The following ADGRL2 variants were observed in gnomAD, a reference collection of about 807,000 sequenced individuals.
The protein encoded by ADGRL2 is calcium-independent alpha-latrotoxin receptor 2.
Under a neutral mutation model 157.4 loss-of-function variants are expected in ADGRL2, and 44 were observed. That is an observed-to-expected ratio of 0.28 (90% confidence interval 0.22 to 0.36). The LOEUF is 0.36. Ranked by LOEUF, ADGRL2 falls within the 10% of genes least tolerant of loss-of-function variation. The pLI, the probability that ADGRL2 is intolerant of heterozygous loss-of-function variation, is 1.00. For synonymous variants in ADGRL2, 585 were observed against 624.7 expected, an observed-to-expected ratio of 0.94 and a Z score of 0.95; for missense variants, 1,510 against 1,768.9, an observed-to-expected ratio of 0.85 and a Z score of 2.63.
Position 81,420,159 on chromosome 1 carries a change from T to C in ADGRL2, c.-301-24877T>C, listed in dbSNP as rs72939085. Among the ~76,000 whole-genome samples, 345 of 152,328 alleles carry C rather than the reference T, an allele frequency of 2.3e-3. 1 individual carries two copies. Among genetic ancestry groups the C allele is most frequent in the African/African-American group, 7.7e-3 (321 of 41,576 alleles). On this transcript the variant is annotated intron_variant, in intron 1 of 24. Transcript: ENST00000370721. ...GTAATGCCAAAGTGAAAATAGATTA[T>C]TGAACTAGGAAAGGATTTTGATAAG...
At chr1:81,873,931 C>G (rs868515011) in intron 2 of ADGRL2, among the ~76,000 whole-genome samples, 1 of 151,998 alleles carries the variant, frequency 6.6e-6, no homozygotes, top group Non-Finnish European at 1.5e-5. Context: ...ACAAAGGTCT[C>G]TAATTATATA....
chr1:81,801,820 C>T (rs1445966914), intron 1 of ADGRL2, among the ~76,000 whole-genome samples: 1 of 152,236 alleles, frequency 6.6e-6, no homozygotes, highest in Admixed American at 6.5e-5. Flanking sequence ...ACTCCCAAGT[C>T]TGCGCACCTC....
At chr1:81,608,522 T>C (rs1284971064) in intron 3 of ADGRL2, among the ~76,000 whole-genome samples, 1 of 152,236 alleles carries the variant, frequency 6.6e-6, no homozygotes, top group Admixed American at 6.5e-5. Context: ...CAAAATTAAC[T>C]AGGCTTGTGT....
chr1:81,485,909 A>C (rs1035819495), intron 2 of ADGRL2, among the ~76,000 whole-genome samples: 14 of 152,186 alleles, frequency 9.2e-5, no homozygotes, highest in African/African-American at 3.1e-4. Flanking sequence ...CTTAACCTCC[A>C]CAAGATCAGA....
At chr1:81,333,440 G>A (rs964065731) in intron 1 of ADGRL2, among the ~76,000 whole-genome samples, 2 of 151,718 alleles carry the variant, frequency 1.3e-5, no homozygotes, top group South Asian at 2.1e-4. Flanking sequence ...TTTTGAGACG[G>A]AGTCTCACTC....
At chr1:81,602,398 A>G (rs2081350072) in intron 3 of ADGRL2, among the ~76,000 whole-genome samples, 1 of 151,762 alleles carries the variant, frequency 6.6e-6, no homozygotes, top group Admixed American at 6.6e-5. Flanking sequence ...TTCAAGACCC[A>G]CCTGACCAAG....
intron 1 of ADGRL2, among the ~76,000 whole-genome samples, chr1:81,728,677 GGCTGTCTCCTCTCGCCGAGCATCT>G (rs1326670250): frequency 3.5e-4 from 53 of 152,066 alleles, no homozygotes; most frequent in Non-Finnish European, 7.6e-4. Flanking sequence ...CATCTCATGG[GGCTGTCTCCTCTCGCCGAGCATCT>G]GCTTTTATTC....
chr1:81,877,347 C>T (rs1194748261), intron 2 of ADGRL2, among the ~76,000 whole-genome samples: 1 of 151,952 alleles, frequency 6.6e-6, no homozygotes, highest in African/African-American at 2.4e-5. Context: ...CCTTTCTGTG[C>T]TTTGTTTTAC....
At chr1:81,386,773 A>G (rs1303713283) in intron 1 of ADGRL2, among the ~76,000 whole-genome samples, 3 of 152,106 alleles carry the variant, frequency 2.0e-5, no homozygotes, top group Non-Finnish European at 4.4e-5. Flanking sequence ...TTCAAATTGC[A>G]CCCTATTAAA....
chr1:81,971,405 A>G (rs1558026474), intron 16 of ADGRL2, among the ~76,000 whole-genome samples: 1 of 152,212 alleles, frequency 6.6e-6, no homozygotes, highest in African/African-American at 2.4e-5. Flanking sequence ...CAACAAACAT[A>G]ACATCTGAAC....
At chr1:81,813,954 T>C (rs1158526364) in intron 1 of ADGRL2, among the ~76,000 whole-genome samples, 2 of 151,726 alleles carry the variant, frequency 1.3e-5, no homozygotes, top group African/African-American at 4.8e-5. Flanking sequence ...GGGTAAGTTC[T>C]ACCTGTTTTG....
chr1:81,537,443 C>T, intron 2 of ADGRL2, among the ~76,000 whole-genome samples: 1 of 151,710 alleles, frequency 6.6e-6, no homozygotes, highest in East Asian at 2.0e-4. Flanking sequence ...ACCACCATGC[C>T]CTGCTAATTT....
At chr1:81,446,728 A>G (rs932258300) in intron 2 of ADGRL2, among the ~76,000 whole-genome samples, 4 of 152,222 alleles carry the variant, frequency 2.6e-5, no homozygotes, top group Non-Finnish European at 5.9e-5. Context: ...CTCATCTTCA[A>G]AATGTAATCA....
intron 3 of ADGRL2, among the ~76,000 whole-genome samples, chr1:81,926,292 A>T (rs914344892): frequency 6.6e-6 from 1 of 151,998 alleles, no homozygotes; most frequent in African/African-American, 2.4e-5. Flanking sequence ...TAGAAACCAA[A>T]ATCCCCTCAC....
chr1:81,524,493 G>T (rs967132722), intron 2 of ADGRL2, among the ~76,000 whole-genome samples: 1 of 151,998 alleles, frequency 6.6e-6, no homozygotes, highest in African/African-American at 2.4e-5. Flanking sequence ...ATATATATAG[G>T]ATGCCATTAC....
intron 2 of ADGRL2, among the ~76,000 whole-genome samples, chr1:81,516,308 C>T (rs764551218): frequency 1.3e-4 from 20 of 152,112 alleles, no homozygotes; most frequent in Admixed American, 2.0e-4. Flanking sequence ...AGGGCAATTG[C>T]GAGAGGTCCA....
chr1:81,979,060 A>T (rs1660940753), intron 17 of ADGRL2, among the ~76,000 whole-genome samples: 1 of 151,736 alleles, frequency 6.6e-6, no homozygotes, highest in Non-Finnish European at 1.5e-5. Flanking sequence ...GTAGAAACAA[A>T]TGCAAATTAC....
rs773672775 is a variant in ADGRL2, at chr1:81,943,147, C to G, written c.588C>G (p.Phe196Leu). The G allele has an allele frequency of 2.5e-6, 4 of 1,613,470 alleles. No individual in the cohort carries two copies. The highest frequency in any genetic ancestry group is 3.4e-6 in the Non-Finnish European group (4 of 1,179,612). Residue 196 changes from phenylalanine to leucine, a missense_variant, in exon 6 of 24, where the codon TTC becomes TTG. This residue lies in a region of ADGRL2 where 361 missense variants were observed against 498.4 expected (regional missense o/e 0.72). Coordinates refer to ENST00000686636, the MANE Select transcript of ADGRL2 (RefSeq NM_001366006.2). The surrounding 1 kb of genome is among the most constrained non-coding windows in gnomAD (Gnocchi z 5.6). ...TLIEYASLEDFQNSRQTTTYK... is the reference protein window; with the variant it reads ...TLIEYASLEDLQNSRQTTTYK... ...TAGAATATGCTTCTTTAGAAGATTT[C>G]CAAAATAGTCGCCAAACAACAACAT...
intron 3 of ADGRL2, among the ~76,000 whole-genome samples, chr1:81,590,968 CTT>C (rs2081120733): frequency 6.6e-6 from 1 of 152,182 alleles, no homozygotes; most frequent in Admixed American, 6.5e-5. Flanking sequence ...CAGGCATACT[CTT>C]TGAGCATACA....
Sources: allele counts gnomAD v4.1 joint callset (sites outside exome capture counted in the v4.1 genomes callset), GRCh38; gene constraint gnomAD v4.1.1; regional missense constraint gnomAD v4.1.1; non-coding constraint Gnocchi (gnomAD v3.1); transcripts MANE v1.5; gene names NCBI Gene and HGNC (gene_info 2026-07-23, HGNC 2026-07-21).